Variants in ALOX5AP observed in about 807,000 individuals in gnomAD.
The protein encoded by ALOX5AP is arachidonate 5-lipoxygenase-activating protein.
A neutral mutation model predicts 18.5 loss-of-function variants in ALOX5AP; 9 were observed. The observed-to-expected ratio is 0.49, with a 90% CI of 0.29 to 0.85. The LOEUF (loss-of-function observed/expected upper bound fraction) is 0.85, where lower values mean the gene tolerates loss of function less well. Among genes scored for constraint, ALOX5AP ranks in the 40% least tolerant of loss-of-function variants. The pLI is 0.08. For synonymous variants in ALOX5AP, 81 were observed against 78.6 expected (o/e 1.03, Z -0.16); for missense variants, 172 against 202.5 (o/e 0.85, Z 0.91).
Position 30,757,576 on chromosome 13 carries a change from A to G in ALOX5AP, c.323+1551A>G, listed in dbSNP as rs555511618. Among the ~76,000 whole-genome samples, 7 of 152,268 alleles carry G rather than the reference A, an allele frequency of 4.6e-5. No individual in the cohort carries two copies. In the East Asian group the frequency reaches 1.2e-3, roughly 25 times the overall value. ...TGGGGGTGGAATGTCTAGCAATGAA[A>G]TAAGAGGGTCTTCTCTTTTGCCTGG... On this transcript the variant is annotated intron_variant, in intron 4 of 4. Transcript: ENST00000380490.
At position 30,744,111 on chromosome 13, in the gene ALOX5AP, G is replaced by A; in HGVS notation, c.122G>A (p.Ser41Asn). ...GAAAGCAGGACCCAGAATGGGAGGA[G>A]CTTCCAGAGGACCGGAACACTTGCC... The part of the protein sequence containing the change: ...EHESRTQNGR[S>N]FQRTGTLAFE... Residue 41 changes from serine (S) to asparagine (N), a missense_variant, in exon 2 of 5, where the codon AGC becomes AAC. Transcript: ENST00000380490. The A allele has an allele frequency of 6.2e-7, 1 of 1,614,152 alleles. No homozygotes were observed. The highest frequency in any genetic ancestry group is 8.5e-7 in the Non-Finnish European group (1 of 1,180,002).
chr13:30,743,971 GA>G, intron 1 of ALOX5AP, 88 bp from the exon 2 acceptor site: 1 of 1,087,156 alleles, frequency 9.2e-7, no homozygotes, highest in Non-Finnish European at 1.4e-6. Flanking sequence ...TCAAGTCAAG[GA>G]GGCATTTAAC....
upstream of ALOX5AP, among the ~76,000 whole-genome samples, chr13:30,731,002 G>A (rs1951676577): frequency 1.3e-5 from 2 of 152,174 alleles, no homozygotes; most frequent in African/African-American, 2.4e-5. Flanking sequence ...GCATAATTAC[G>A]GAGAGCGCTG....
intron 1 of ALOX5AP, among the ~76,000 whole-genome samples, chr13:30,730,092 A>C (rs1028078827): frequency 1.3e-5 from 2 of 152,268 alleles, no homozygotes; most frequent in African/African-American, 4.8e-5. Context: ...TAGCGCAGAT[A>C]TGATCAGCTT....
intron 4 of ALOX5AP, among the ~76,000 whole-genome samples, chr13:30,761,762 T>C (rs1238562384): frequency 6.6e-6 from 1 of 152,178 alleles, no homozygotes; most frequent in Non-Finnish European, 1.5e-5. Flanking sequence ...CATCATCACC[T>C]CACTGAGCAT....
chr13:30,741,722 ATACCTGATAG>A (rs1162564757), intron 1 of ALOX5AP, among the ~76,000 whole-genome samples: 5 of 151,892 alleles, frequency 3.3e-5, no homozygotes, highest in Admixed American at 3.3e-4. Flanking sequence ...ATTACTTATA[ATACCTGATAG>A]AATGTAAATG....
chr13:30,758,935 A>G (rs1951918634), intron 4 of ALOX5AP, among the ~76,000 whole-genome samples: 1 of 152,086 alleles, frequency 6.6e-6, no homozygotes, highest in African/African-American at 2.4e-5. Flanking sequence ...CTTATACCTC[A>G]GCCTCTTGAG....
upstream of ALOX5AP, chr13:30,735,503 A>G: frequency 1.3e-6 from 2 of 1,550,394 alleles, no homozygotes; most frequent in Non-Finnish European, 1.7e-6. Context: ...ATCTTCAGAA[A>G]TTGTAATGAT....
chr13:30,737,959 A>T (rs10507391), intron 1 of ALOX5AP, among the ~76,000 whole-genome samples: 79,650 of 152,146 alleles, frequency 0.52, 24,104 homozygotes, highest in Non-Finnish European at 0.68. Context: ...TGCAATTCTA[A>T]TTAACCTCAA....
At chr13:30,760,797 C>T (rs1951935177) in intron 4 of ALOX5AP, among the ~76,000 whole-genome samples, 1 of 152,182 alleles carries the variant, frequency 6.6e-6, no homozygotes, top group East Asian at 1.9e-4. Flanking sequence ...GTGTACAATA[C>T]CTGGCCCCGA....
chr13:30,761,907 G>A (rs1347230456), intron 4 of ALOX5AP, among the ~76,000 whole-genome samples: 6 of 152,196 alleles, frequency 3.9e-5, no homozygotes, highest in Admixed American at 1.3e-4. Context: ...GAGGAACTGA[G>A]AGTAAAGATT....
At chr13:30,723,028 T>C (rs139255374) in intron 1 of ALOX5AP, among the ~76,000 whole-genome samples, 63 of 152,362 alleles carry the variant, frequency 4.1e-4, no homozygotes, top group African/African-American at 1.4e-3. Flanking sequence ...CAGTCTCAGG[T>C]ATTCCTTTAT....
chr13:30,720,844 A>G (rs545065974), intron 1 of ALOX5AP, among the ~76,000 whole-genome samples: 1 of 152,364 alleles, frequency 6.6e-6, no homozygotes, highest in African/African-American at 2.4e-5. Context: ...TCTCTTCTCC[A>G]TGCTCATCCC....
upstream of ALOX5AP, among the ~76,000 whole-genome samples, chr13:30,730,629 G>A (rs1176033366): frequency 1.3e-5 from 2 of 152,168 alleles, no homozygotes; most frequent in Non-Finnish European, 2.9e-5. Flanking sequence ...GGGGAGTGGA[G>A]GGAAGAGATG....
intron 1 of ALOX5AP, among the ~76,000 whole-genome samples, chr13:30,725,416 G>A (rs17222814): frequency 0.069 from 10,561 of 152,304 alleles, 480 homozygotes; most frequent in Non-Finnish European, 0.1. Context: ...AGCCACTGTT[G>A]CCCAGTGGGC....
intron 1 of ALOX5AP, among the ~76,000 whole-genome samples, chr13:30,717,167 A>G (rs1476165151): frequency 1.3e-5 from 2 of 152,260 alleles, no homozygotes; most frequent in East Asian, 1.9e-4. Flanking sequence ...TCTAGCAGGC[A>G]GGACGTTCCA....
At position 30,728,662 on chromosome 13, in the gene ALOX5AP, G is replaced by A. The variant is rs867608477; in HGVS notation, c.117-6889G>A. ...GAGGCCAGGAGTTCAAACAGCCTGG[G>A]TAACAGTGATACCCTGTCTGTACAA... On this transcript the variant is annotated intron_variant, in intron 1 of 5. Transcript: ENST00000617770. Among the ~76,000 whole-genome samples, 7 of 152,244 alleles carry A rather than the reference G, an allele frequency of 4.6e-5. No homozygotes were observed. In the South Asian group the frequency reaches 1.2e-3, roughly 27 times the overall value.
intron 1 of ALOX5AP, among the ~76,000 whole-genome samples, chr13:30,730,447 T>A (rs1032754540): frequency 6.6e-6 from 1 of 152,224 alleles, no homozygotes; most frequent in Non-Finnish European, 1.5e-5. Flanking sequence ...GGTCTGAATA[T>A]TCTTTAGACT....
exon 1 of ALOX5AP, chr13:30,713,621 C>T: frequency 1.3e-6 from 1 of 799,596 alleles, no homozygotes. Flanking sequence ...CCTCTCATCT[C>T]CCGTTTTTGA....
Sources: allele counts gnomAD v4.1 joint callset (sites outside exome capture counted in the v4.1 genomes callset), GRCh38; gene constraint gnomAD v4.1.1; transcripts MANE v1.5; gene names NCBI Gene and HGNC (gene_info 2026-07-23, HGNC 2026-07-21).